The following SHROOM1 variants were observed in gnomAD, a reference collection of about 807,000 sequenced individuals.
SHROOM1 encodes shroom family member 1, also known as protein Shroom1.
A neutral mutation model predicts 64.2 loss-of-function variants in SHROOM1; 53 were observed. The observed-to-expected ratio is 0.83, with a 90% CI of 0.66 to 1.04. The LOEUF is 1.04. Ranked by LOEUF, SHROOM1 falls within the 50% of genes least tolerant of loss-of-function variation. The probability of loss-of-function intolerance (pLI) is 0.00; values close to 1 mark genes in which losing one functional copy is unlikely to be tolerated. For missense variants in SHROOM1, 1,179 were observed against 1,163.2 expected, an observed-to-expected ratio of 1.01 and a Z score of -0.20; for synonymous variants, 490 against 518.9, an observed-to-expected ratio of 0.94 and a Z score of 0.76.
rs1758602240 is a variant in SHROOM1 at position 132,824,782 on chromosome 5, T to C, written c.1074A>G (p.Ala358=). The change falls in exon 6 of 10, where the codon GCA becomes GCG. Residue 358 remains alanine (A), a synonymous_variant. Coordinates refer to ENST00000378679, the MANE Select transcript of SHROOM1 (RefSeq NM_001172700.2). ...CAGCAGGGCTGCTCTGGGGTAACTC[T>C]GCAGGATACATCACCGCAGCCTCTT... The part of the protein sequence containing the change: ...PQKEAAVMYP[A]ELPQSSPADS... The C allele has an allele frequency of 6.2e-7, 1 of 1,614,104 alleles. No homozygotes were observed. The highest frequency in any genetic ancestry group is 1.3e-5 in the African/African-American group (1 of 75,032).
chr5:132,822,695 C>G lies in SHROOM1; in HGVS notation c.*101G>C. 3 of 1,333,286 alleles carry G rather than the reference C, an allele frequency of 2.3e-6. No homozygotes were observed. Among genetic ancestry groups the G allele is most frequent in the Non-Finnish European group, 3.0e-6 (3 of 987,676 alleles). The allele number at this position is 1,333,286 out of a possible 1,614,324, so 82.6% of individuals were successfully genotyped here. On this transcript the variant is annotated 3_prime_UTR_variant, in exon 10 of 10. Transcript: ENST00000378679. ...TATCTTAGAAAGGCCTGGACTGGGT[C>G]CTCCCCAATCCCTCAAGGGAAAAGC...
In SHROOM1 at chr5:132,823,209, C is replaced by T. The variant is rs925202590; in HGVS notation, c.2226+41G>A. 2.6e-6 allele frequency: 4 copies of T among 1,562,824 alleles called. No homozygotes were observed. Among genetic ancestry groups the T allele is most frequent in the Non-Finnish European group, 2.6e-6 (3 of 1,162,010 alleles). On this transcript the variant is annotated intron_variant, in intron 9 of 9. Transcript: ENST00000378679. The surrounding 1 kb of genome is among the most constrained non-coding windows in gnomAD (Gnocchi z 4.6). Reference sequence around the variant, plus strand: ...ATGGTTCCAGCCGGAGACAGCAGGCCCCTCACCGCCCTACTCGCTTGCAAC... The same window carrying T: ...ATGGTTCCAGCCGGAGACAGCAGGCTCCTCACCGCCCTACTCGCTTGCAAC...
intron 1 of SHROOM1, among the ~76,000 whole-genome samples, chr5:132,828,489 G>A (rs970732652): frequency 2.0e-5 from 3 of 152,006 alleles, no homozygotes; most frequent in African/African-American, 7.3e-5. Context: ...CCTCATCTAG[G>A]AAGCCCACCC....
chr5:132,825,950 C>G lies in SHROOM1; in HGVS notation c.191G>C (p.Arg64Pro). The G allele has an allele frequency of 7.0e-7, 1 of 1,431,608 alleles. No individual in the cohort carries two copies. The highest frequency in any genetic ancestry group is 9.2e-7 in the Non-Finnish European group (1 of 1,086,448). 88.7% of individuals were successfully genotyped at this position (1,431,608 alleles called of 1,614,324 possible). ...GGGGCCCGGGCCGCCCCAAACCACA[C>G]GCACGTAGTCCCAGTCTAGGTAAGG... ...LLPYLDWDYV[R>P]VVWGGPGPAP... Residue 64 changes from arginine (R) to proline (P), a missense_variant, in exon 4 of 10, where the codon CGT (arginine) becomes CCT (proline). By Grantham distance (103) the Arg-to-Pro change is moderately radical. Coordinates refer to ENST00000378679, the MANE Select transcript of SHROOM1 (RefSeq NM_001172700.2). This position sits in a 1 kb window ranked among gnomAD's most constrained non-coding sequence, Gnocchi z 5.1.
In SHROOM1 at chr5:132,822,256, T is replaced by C. The variant is rs1758464870; in HGVS notation, c.*540A>G. On this transcript the variant is annotated 3_prime_UTR_variant, in exon 10 of 10. Transcript: ENST00000378679. ...CCAGCCCCACACTCTCATCACAAAATGGGGGAATACTGCAGTTTTTAAGAT... is the reference window on the plus strand; with the variant it reads ...CCAGCCCCACACTCTCATCACAAAACGGGGGAATACTGCAGTTTTTAAGAT... 2 of 149,422 alleles carry C rather than the reference T, an allele frequency of 1.3e-5. No homozygotes were observed. The highest frequency in any genetic ancestry group is 4.9e-5 in the African/African-American group (2 of 40,528). 9.3% of individuals were successfully genotyped at this position (149,422 alleles called of 1,614,324 possible). A position where few individuals can be genotyped will look rare whatever the true frequency, so the allele number is the denominator to read the frequency against.
intron 1 of SHROOM1, among the ~76,000 whole-genome samples, chr5:132,828,448 C>G (rs1314997453): frequency 6.6e-6 from 1 of 152,132 alleles, no homozygotes; most frequent in African/African-American, 2.4e-5. Context: ...CAAGAAACTA[C>G]TCTGAGTAGC....
Position 132,823,346 on chromosome 5 carries a change from C to T in SHROOM1, c.2130G>A (p.Glu710=). ...ERFSRFMADL[E]RVLGLLLLLG... ...GCAGCAGCAGAAGGCCAAGCACGCG[C>T]TCTAGGTCGGCCATGAACCGGCTGA... Residue 710 remains glutamate, a synonymous_variant, in exon 9 of 10, where the codon GAG becomes GAA. Transcript: ENST00000378679. The surrounding 1 kb of genome is among the most constrained non-coding windows in gnomAD (Gnocchi z 4.6). 1.2e-6 allele frequency: 2 copies of T among 1,606,870 alleles called. No homozygotes were observed. Among genetic ancestry groups the T allele is most frequent in the Non-Finnish European group, 1.7e-6 (2 of 1,179,626 alleles).
intron 6 of SHROOM1, 97 bp downstream of exon 6, chr5:132,824,518 C>T: frequency 6.6e-7 from 1 of 1,519,788 alleles, no homozygotes; most frequent in South Asian, 1.3e-5. Flanking sequence ...CCTGGAATCC[C>T]AGGCTCCAGC....
At position 132,823,974 on chromosome 5, in the gene SHROOM1, G is replaced by A; in HGVS notation, c.1687C>T (p.Gln563Ter). ...DPSLCDPLAS[Q>*]PSPEPPLGLL... Reference sequence around the variant, plus strand: ...CCCAGGGGTGGCTCTGGGCTGGGCTGGGAAGCAAGAGGGTCACATAGAGAG... The same window carrying A: ...CCCAGGGGTGGCTCTGGGCTGGGCTAGGAAGCAAGAGGGTCACATAGAGAG... Residue 563 changes from glutamine (Q) to a stop codon, truncating the protein, a stop_gained, in exon 7 of 10, where the codon CAG (glutamine) becomes TAG (stop). Coordinates refer to ENST00000378679, the MANE Select transcript of SHROOM1 (RefSeq NM_001172700.2). LOFTEE classifies it high-confidence loss of function. The surrounding 1 kb of genome is among the most constrained non-coding windows in gnomAD (Gnocchi z 4.6). The A allele has an allele frequency of 2.5e-6, 4 of 1,604,116 alleles. No individual in the cohort carries two copies. The highest frequency in any genetic ancestry group is 3.4e-6 in the Non-Finnish European group (4 of 1,175,044).
chr5:132,823,253 C>T lies in SHROOM1; in HGVS notation c.2223G>A (p.Glu741=), dbSNP rs1398358149. 4 of 1,596,050 alleles carry T rather than the reference C, an allele frequency of 2.5e-6. No homozygotes were observed. Among genetic ancestry groups the T allele is most frequent in the Non-Finnish European group, 3.4e-6 (4 of 1,177,600 alleles). ...ARAASDSDPD[E]QASLLQRLRL... ...TTGCAACCTGAACCCCTTTTACCTG[C>T]TCATCAGGGTCGCTGTCTGAGGCCG... Residue 741 remains glutamate, a synonymous_variant, in exon 9 of 10, where the codon GAG becomes GAA. Coordinates refer to ENST00000378679, the MANE Select transcript of SHROOM1 (RefSeq NM_001172700.2). This position sits in a 1 kb window ranked among gnomAD's most constrained non-coding sequence, Gnocchi z 4.6.
Position 132,830,415 on chromosome 5 carries a change from ACTGGCG to A in SHROOM1, c.-501+173_-501+178del. On this transcript the variant is annotated intron_variant, in intron 1 of 9. Coordinates refer to ENST00000378679, the MANE Select transcript of SHROOM1 (RefSeq NM_001172700.2). The surrounding 1 kb of genome is among the most constrained non-coding windows in gnomAD (Gnocchi z 5.9). ...GAGAGGCGCGCTGGGGTCCGACTCCACTGGCGCAACCTGACGCGGCGCCGAGCCAGA... is the reference window on the plus strand; with the variant it reads ...GAGAGGCGCGCTGGGGTCCGACTCCACAACCTGACGCGGCGCCGAGCCAGA... 1.0e-6 allele frequency: 1 copy of A among 984,732 alleles called. No individual in the cohort carries two copies. The allele number at this position is 984,732 out of a possible 1,614,324, so 61.0% of individuals were successfully genotyped here.
Position 132,822,869 on chromosome 5 carries a change from G to A in SHROOM1, c.2486C>T (p.Pro829Leu). 1 of 1,613,506 alleles carries A rather than the reference G, an allele frequency of 6.2e-7. No individual in the cohort carries two copies. Residue 829 changes from proline to leucine, a missense_variant, in exon 10 of 10, where the codon CCG becomes CTG. Pro to Leu is a moderately conservative substitution (Grantham distance 98). Coordinates refer to ENST00000378679, the MANE Select transcript of SHROOM1 (RefSeq NM_001172700.2). The stretch of plus-strand genomic sequence containing the variant: ...TGGGGGCCGCGCCGGGCTGGGAGAC[G>A]GGGCATGATGGCCAAGGTCGTCCCT... Reference protein sequence around the residue: ...AIRDDLGHHAPSPSPARPPGT... With the variant: ...AIRDDLGHHALSPSPARPPGT...
chr5:132,825,563 C>T lies in SHROOM1; in HGVS notation c.578G>A (p.Gly193Asp), dbSNP rs201403774. ...HPRSASLSHPGGEGEPARSRA... is the reference protein window; with the variant it reads ...HPRSASLSHPDGEGEPARSRA... ...GGAGCGCGCCGGCTCCCCCTCCCCG[C>T]CCGGGTGGCTGAGCGAGGCGGAGCG... The change falls in exon 4 of 10, where the codon GGC becomes GAC. Residue 193 changes from glycine (G) to aspartate (D), a missense_variant. Transcript: ENST00000378679. This position sits in a 1 kb window ranked among gnomAD's most constrained non-coding sequence, Gnocchi z 5.1. 0.01 allele frequency: 14,168 copies of T among 1,413,598 alleles called. 129 individuals carry two copies. Among genetic ancestry groups the T allele is most frequent in the South Asian group, 0.024 (1,588 of 65,250 alleles). 87.6% of individuals were successfully genotyped at this position (1,413,598 alleles called of 1,614,324 possible).
intron 1 of SHROOM1, among the ~76,000 whole-genome samples, chr5:132,828,191 A>T (rs1221042998): frequency 6.6e-6 from 1 of 152,048 alleles, no homozygotes; most frequent in Non-Finnish European, 1.5e-5. Context: ...GAGGCCCAGG[A>T]TGTTACAGAT....
rs1278718392 is a variant in SHROOM1 at position 132,824,346 on chromosome 5, A to G, written c.1315T>C (p.Tyr439His). Residue 439 changes from tyrosine (Y) to histidine (H), a missense_variant, in exon 7 of 10, where the codon TAC (tyrosine) becomes CAC (histidine). Coordinates refer to ENST00000378679, the MANE Select transcript of SHROOM1 (RefSeq NM_001172700.2). ...RTGQVTVPTEYPLHECPGTAG... is the reference protein window; with the variant it reads ...RTGQVTVPTEHPLHECPGTAG... ...GTTCCTGGACACTCATGGAGCGGGT[A>G]CTCTGTGGGGACTGTAACCTGGCCA... 1.2e-6 allele frequency: 2 copies of G among 1,606,666 alleles called. No individual in the cohort carries two copies. The highest frequency in any genetic ancestry group is 1.7e-4 in the Middle Eastern group (1 of 6,016).
Position 132,824,197 on chromosome 5 carries a change from G to C in SHROOM1, c.1464C>G (p.Thr488=), listed in dbSNP as rs745967740. ...NIPTIDPTGL[T]TNPPTAAESD... ...TCTCTGCAGCTGTGGGGGGATTGGT[G>C]GTCAGTCCAGTGGGGTCAATAGTTG... is the stretch of plus-strand genomic sequence containing the variant. The change falls in exon 7 of 10, where the codon ACC becomes ACG. Residue 488 remains threonine, a synonymous_variant. Transcript: ENST00000378679. The C allele has an allele frequency of 1.4e-5, 22 of 1,614,076 alleles. No individual in the cohort carries two copies. In the African/African-American group the frequency reaches 2.8e-4, roughly 21 times the overall value.
Position 132,823,021 on chromosome 5 carries a change from C to T in SHROOM1, c.2334G>A (p.Val778=), listed in dbSNP as rs200640933. The T allele has an allele frequency of 1.2e-6, 2 of 1,602,612 alleles. No individual in the cohort carries two copies. Among genetic ancestry groups the T allele is most frequent in the Admixed American group, 3.3e-5 (2 of 59,966 alleles). ...GCAGCTCCTCCACCGGTAGTGCTCG[C>T]ACCAGCACCTCCCGCACGGCCCGCT... ...RRERAVREVL[V]RALPVEELRV... The change falls in exon 10 of 10, where the codon GTG becomes GTA. Residue 778 remains valine, a synonymous_variant. Transcript: ENST00000378679. This position sits in a 1 kb window ranked among gnomAD's most constrained non-coding sequence, Gnocchi z 4.6.
chr5:132,829,297 AG>A (rs1277423351), intron 1 of SHROOM1, among the ~76,000 whole-genome samples: 1 of 152,224 alleles, frequency 6.6e-6, no homozygotes, highest in Admixed American at 6.5e-5. Context: ...TGGAGGCACC[AG>A]TCTGAAAGGA....
rs770543262 is a variant in SHROOM1, at chr5:132,825,555, C to T, written c.586G>A (p.Gly196Arg). ...GGAGCCCGGGAGCGCGCCGGCTCCC[C>T]CTCCCCGCCCGGGTGGCTGAGCGAG... ...SASLSHPGGEGEPARSRAPAP... is the reference protein window; with the variant it reads ...SASLSHPGGEREPARSRAPAP... Residue 196 changes from glycine (G) to arginine (R), a missense_variant, in exon 4 of 10, where the codon GGG (glycine) becomes AGG (arginine). Gly to Arg is a moderately radical substitution (Grantham distance 125). Transcript: ENST00000378679. This position sits in a 1 kb window ranked among gnomAD's most constrained non-coding sequence, Gnocchi z 5.1. The T allele has an allele frequency of 4.1e-5, 58 of 1,418,640 alleles. No individual in the cohort carries two copies. The highest frequency in any genetic ancestry group is 2.3e-4 in the South Asian group (15 of 65,964). 87.9% of individuals were successfully genotyped at this position (1,418,640 alleles called of 1,614,324 possible). A position where few individuals can be genotyped will look rare whatever the true frequency, so the allele number is the denominator to read the frequency against.
Sources: gnomAD v4.1 joint callset for allele counts (sites outside exome capture counted in the v4.1 genomes callset) on GRCh38, gnomAD v4.1.1 for gene constraint, Gnocchi (gnomAD v3.1) non-coding constraint, MANE v1.5 for transcripts, NCBI Gene and HGNC (gene_info 2026-07-23, HGNC 2026-07-21) for gene names.